Variants in PWP1 observed in about 807,000 individuals in gnomAD.
The protein encoded by PWP1 is periodic tryptophan protein 1 homolog.
In PWP1, 47 loss-of-function variants were observed where a neutral mutation model predicts 69.9. The ratio of observed to expected loss-of-function variants is 0.67; its 90% CI spans 0.53 to 0.86. The LOEUF is 0.86. PWP1 is among the 40% of genes least tolerant of loss of function. The pLI is 0.00. For missense variants in PWP1, 551 were observed against 608.8 expected (o/e 0.91, Z 1.00); for synonymous variants, 222 against 208.2 (o/e 1.07, Z -0.57).
At chr12:107,688,269 A>G (rs1487836156) in intron 1 of PWP1, among the ~76,000 whole-genome samples, 179 bp from the exon 2 acceptor site, 1 of 147,602 alleles carries the variant, frequency 6.8e-6, no homozygotes, top group Non-Finnish European at 1.5e-5. Flanking sequence ...GAGAGATCTT[A>G]TTTGTAAGAA....
intron 11 of PWP1, among the ~76,000 whole-genome samples, chr12:107,705,280 A>G (rs1039998273): frequency 6.6e-6 from 1 of 152,192 alleles, no homozygotes; most frequent in African/African-American, 2.4e-5. Flanking sequence ...GTAAAAAGAA[A>G]AGCCCAGCTT....
intron 13 of PWP1, among the ~76,000 whole-genome samples, chr12:107,709,546 C>T (rs542881971): frequency 6.7e-6 from 1 of 149,708 alleles, no homozygotes; most frequent in Non-Finnish European, 1.5e-5. Flanking sequence ...GAAATCAAGA[C>T]CATCCCAAGA....
chr12:107,710,207 G>A lies in PWP1; in HGVS notation c.1291-198G>A, dbSNP rs537765565. ...CATTGTGGAAGAACCAGCATGCTGC[G>A]CTTGTCTGGCTTCATATTGTAGTAC... On this transcript the variant is annotated intron_variant, in intron 13 of 14. Coordinates refer to ENST00000412830, the MANE Select transcript of PWP1 (RefSeq NM_007062.3). Among the ~76,000 whole-genome samples the A allele has an allele frequency of 6.0e-4, 92 of 152,254 alleles. 1 individual carries two copies. The highest frequency in any genetic ancestry group is 1.0e-3 in the Non-Finnish European group (68 of 68,020).
At chr12:107,705,194 TA>T (rs753650086) in intron 11 of PWP1, among the ~76,000 whole-genome samples, 28 of 152,258 alleles carry the variant, frequency 1.8e-4, no homozygotes, top group Non-Finnish European at 3.7e-4. Context: ...GACCTCTGTC[TA>T]AATACCCTTA....
In PWP1 at chr12:107,710,443, A is replaced by G; in HGVS notation, c.1329A>G (p.Pro443=). Residue 443 remains proline (P), a synonymous_variant, in exon 14 of 15, where the codon CCA becomes CCG. Transcript: ENST00000412830. Reference sequence around the variant, plus strand: ...GTTCTTCATGTTGCCCTGATTTGCCATTTATTTATGCCTTTGGAGGTCAAA... The same window carrying G: ...GTTCTTCATGTTGCCCTGATTTGCCGTTTATTTATGCCTTTGGAGGTCAAA... The part of the protein sequence containing the change: ...LFCSSCCPDL[P]FIYAFGGQKE... 5 of 1,608,672 alleles carry G rather than the reference A, an allele frequency of 3.1e-6. No individual in the cohort carries two copies. Among genetic ancestry groups the G allele is most frequent in the African/African-American group, 1.3e-5 (1 of 74,690 alleles).
At position 107,699,356 on chromosome 12, in the gene PWP1, TAAAAC is replaced by T; in HGVS notation, c.745-14_745-10del. ...GGGGGACTTTAATACAAAAAATAATTAAAACAATTATTACAGAGTTCCTCAGCAGA... is the reference window on the plus strand; with the variant it reads ...GGGGGACTTTAATACAAAAAATAATTAATTATTACAGAGTTCCTCAGCAGA... On this transcript the variant is annotated splice_polypyrimidine_tract_variant and intron_variant, in intron 7 of 14. Transcript: ENST00000412830. 7 of 1,598,336 alleles carry T rather than the reference TAAAAC, an allele frequency of 4.4e-6. No individual in the cohort carries two copies. The highest frequency in any genetic ancestry group is 6.0e-6 in the Non-Finnish European group (7 of 1,169,582).
intron 3 of PWP1, among the ~76,000 whole-genome samples, chr12:107,691,119 A>G (rs1889472161): frequency 6.6e-6 from 1 of 152,266 alleles, no homozygotes; most frequent in Admixed American, 6.5e-5. Flanking sequence ...TTGTGGAGGC[A>G]GAACTGAGCC....
intron 2 of PWP1, 38 bp downstream of exon 2, chr12:107,688,544 A>G: frequency 1.2e-6 from 2 of 1,611,272 alleles, no homozygotes; most frequent in Non-Finnish European, 1.7e-6. Context: ...ATCTTAAATG[A>G]TGATGACCAT....
At chr12:107,710,602 GGT>G in intron 14 of PWP1, 92 bp downstream of exon 14, 2 of 1,419,650 alleles carry the variant, frequency 1.4e-6, no homozygotes, top group Non-Finnish European at 1.9e-6. Flanking sequence ...TGCCCAGGCT[GGT>G]CTCAAACTCC....
At position 107,690,637 on chromosome 12, in the gene PWP1, G is replaced by A. The variant is rs556516674; in HGVS notation, c.319+1835G>A. 1.1e-4 allele frequency among the ~76,000 whole-genome samples: 16 copies of A among 152,116 alleles called. No homozygotes were observed. In the South Asian group the frequency reaches 2.5e-3, roughly 24 times the overall value. ...GCCACCACGCCCAGCTAATTTTCGT[G>A]TTTTTAGTAGAGACAGGGTTTCACC... On this transcript the variant is annotated intron_variant, in intron 3 of 14. Transcript: ENST00000412830.
chr12:107,688,412 T>A (rs374143760), intron 1 of PWP1, 36 bp from the exon 2 acceptor site: 1 of 1,562,458 alleles, frequency 6.4e-7, no homozygotes, highest in Non-Finnish European at 8.7e-7. Flanking sequence ...ATGATTTCCT[T>A]ACACATATTG....
At position 107,712,183 on chromosome 12, in the gene PWP1, T is replaced by C; in HGVS notation, c.1469T>C (p.Phe490Ser). The change falls in exon 15 of 15, where the codon TTT becomes TCT. Residue 490 changes from phenylalanine to serine, a missense_variant. By Grantham distance (155) the Phe-to-Ser change is radical (BLOSUM62 -2). Coordinates refer to ENST00000412830, the MANE Select transcript of PWP1 (RefSeq NM_007062.3). The part of the protein sequence containing the change: ...SARNSSISGP[F>S]GSRSSDTPME... Reference sequence around the variant, plus strand: ...AGAAATTCATCTATTAGTGGCCCTTTTGGCAGCAGGAGCTCAGATACACCC... The same window carrying C: ...AGAAATTCATCTATTAGTGGCCCTTCTGGCAGCAGGAGCTCAGATACACCC... 6.2e-7 allele frequency: 1 copy of C among 1,614,070 alleles called. No homozygotes were observed. The highest frequency in any genetic ancestry group is 1.1e-5 in the South Asian group (1 of 91,090).
chr12:107,710,625 C>T, intron 14 of PWP1, 115 bp downstream of exon 14: 6 of 1,398,700 alleles, frequency 4.3e-6, no homozygotes, highest in Non-Finnish European at 5.6e-6. Flanking sequence ...TGGCCTCAAG[C>T]AATCCTTGGT....
At chr12:107,709,743 A>G (rs1416556984) in intron 13 of PWP1, among the ~76,000 whole-genome samples, 1 of 152,156 alleles carries the variant, frequency 6.6e-6, no homozygotes, top group Admixed American at 6.6e-5. Context: ...TATATAAGTT[A>G]GACTGCAGAC....
rs749678889 is a variant in PWP1, at chr12:107,688,790, G to A, written c.307G>A (p.Glu103Lys). 62 of 1,613,746 alleles carry A rather than the reference G, an allele frequency of 3.8e-5. No individual in the cohort carries two copies. Among genetic ancestry groups the A allele is most frequent in the Non-Finnish European group, 4.7e-5 (56 of 1,179,822 alleles). ...AEYDLDKYDE[E>K]GDPDAETLGE... ...GTACGACTTAGATAAATATGATGAG[G>A]AAGGTGACCCAGGTTAGTTTATCCA... is the stretch of plus-strand genomic sequence containing the variant. Residue 103 changes from glutamate to lysine, a missense_variant, in exon 3 of 15, where the codon GAA becomes AAA. Coordinates refer to ENST00000412830, the MANE Select transcript of PWP1 (RefSeq NM_007062.3).
chr12:107,686,422 A>C (rs1165392019), intron 1 of PWP1, among the ~76,000 whole-genome samples: 1 of 152,164 alleles, frequency 6.6e-6, no homozygotes, highest in East Asian at 1.9e-4. Flanking sequence ...GTGGTGTAGA[A>C]AAACTGGTGT....
chr12:107,705,638 CGATA>C (rs1299198257), intron 11 of PWP1, among the ~76,000 whole-genome samples: 17 of 150,902 alleles, frequency 1.1e-4, no homozygotes, highest in Non-Finnish European at 1.8e-4. Flanking sequence ...TCTGTCCTTG[CGATA>C]GATAGTTTTC....
intron 3 of PWP1, among the ~76,000 whole-genome samples, chr12:107,691,823 A>G (rs895000406): frequency 4.6e-5 from 7 of 152,014 alleles, no homozygotes; most frequent in African/African-American, 1.4e-4. Flanking sequence ...CATCTGTCCT[A>G]TGGATTACTA....
intron 11 of PWP1, 63 bp from the exon 12 acceptor site, chr12:107,708,863 C>A: frequency 6.9e-7 from 1 of 1,440,108 alleles, no homozygotes; most frequent in Non-Finnish European, 9.7e-7. Context: ...ATGACTTAGA[C>A]TTTTTACCCA....
Sources: gnomAD v4.1 joint callset for allele counts (sites outside exome capture counted in the v4.1 genomes callset) on GRCh38, gnomAD v4.1.1 for gene constraint, MANE v1.5 for transcripts, NCBI Gene and HGNC (gene_info 2026-07-23, HGNC 2026-07-21) for gene names.